Variants in TRIM31 observed in about 807,000 individuals in gnomAD.
TRIM31 encodes the protein tripartite motif containing 31.
In TRIM31, 31 loss-of-function variants were observed where a neutral mutation model predicts 40.6. The observed-to-expected ratio is 0.76, with a 90% CI of 0.57 to 1.03. TRIM31 has a LOEUF of 1.03. Among genes scored for constraint, TRIM31 ranks in the 50% least tolerant of loss-of-function variants. The pLI, the probability that TRIM31 is intolerant of heterozygous loss-of-function variation, is 0.00. For missense variants in TRIM31, 455 were observed against 497.5 expected (o/e 0.91, Z 0.81); for synonymous variants, 164 against 193.9 (o/e 0.85, Z 1.28).
chr6:30,112,572 G>C lies in TRIM31; in HGVS notation c.234C>G (p.Ile78Met). The change falls in exon 2 of 9, where the codon ATC (isoleucine) becomes ATG (methionine). Residue 78 changes from isoleucine (I) to methionine (M), a missense_variant. Transcript: ENST00000376734. ...GCACCTCAGAGGCTTGTAGAGCTTG[G>C]ATTTTCTCCACCAGATTCCGCAACA... The part of the protein sequence containing the change: ...NSLLRNLVEK[I>M]QALQASEVQS... The C allele has an allele frequency of 6.2e-7, 1 of 1,613,056 alleles. No individual in the cohort carries two copies. Among genetic ancestry groups the C allele is most frequent in the Non-Finnish European group, 8.5e-7 (1 of 1,180,012 alleles).
intron 3 of TRIM31, among the ~76,000 whole-genome samples, chr6:30,110,888 G>A (rs987467320): frequency 6.6e-6 from 1 of 152,152 alleles, no homozygotes; most frequent in African/African-American, 2.4e-5. Flanking sequence ...ATTAATTTAT[G>A]GTTTACCACT....
chr6:30,104,692 G>T (rs1406807045), intron 7 of TRIM31, among the ~76,000 whole-genome samples: 1 of 152,168 alleles, frequency 6.6e-6, no homozygotes, highest in Non-Finnish European at 1.5e-5. Flanking sequence ...TATTAGATGC[G>T]CACATAGTGG....
chr6:30,107,707 A>G (rs956113425), intron 6 of TRIM31: 6 of 204,954 alleles, frequency 2.9e-5, no homozygotes, highest in Non-Finnish European at 4.9e-5. Context: ...GAAGTCAGAG[A>G]TGACAGTCCC....
chr6:30,112,878 G>A lies in TRIM31; in HGVS notation c.-73C>T. 1 of 1,454,200 alleles carries A rather than the reference G, an allele frequency of 6.9e-7. No homozygotes were observed. The highest frequency in any genetic ancestry group is 9.2e-7 in the Non-Finnish European group (1 of 1,089,646). The allele number at this position is 1,454,200 out of a possible 1,614,324, so 90.1% of individuals were successfully genotyped here. On this transcript the variant is annotated 5_prime_UTR_variant, in exon 2 of 9. Transcript: ENST00000376734. Reference sequence around the variant, plus strand: ...CTGTAGGAGCCCCGGAGTCCACTGTGGATACTGTTTCTAGGAAGGGAGAAG... The same window carrying A: ...CTGTAGGAGCCCCGGAGTCCACTGTAGATACTGTTTCTAGGAAGGGAGAAG...
intron 5 of TRIM31, chr6:30,108,769 A>G: frequency 1.7e-6 from 1 of 591,354 alleles, no homozygotes; most frequent in South Asian, 2.0e-5. Context: ...CAGTTGAGCA[A>G]GGGGGCATTC....
intron 6 of TRIM31, among the ~76,000 whole-genome samples, chr6:30,106,352 G>T (rs1768691977): frequency 6.6e-6 from 1 of 152,170 alleles, no homozygotes; most frequent in Non-Finnish European, 1.5e-5. Context: ...AGGAAACACT[G>T]CCTGGGAGCA....
intron 4 of TRIM31, 111 bp downstream of exon 4, chr6:30,110,337 A>G: frequency 1.0e-6 from 1 of 972,888 alleles, no homozygotes; most frequent in South Asian, 1.5e-5. Flanking sequence ...GCACTGGGCT[A>G]GAGGTAGGAT....
intron 1 of TRIM31, 62 bp from the exon 2 acceptor site, chr6:30,112,950 G>T: frequency 3.0e-6 from 2 of 656,932 alleles, no homozygotes; most frequent in Non-Finnish European, 4.7e-6. Flanking sequence ...TTAGTTAGAA[G>T]AGCAGAGAGA....
chr6:30,111,543 T>G, intron 3 of TRIM31, 105 bp downstream of exon 3: 2 of 1,167,192 alleles, frequency 1.7e-6, no homozygotes, highest in Non-Finnish European at 2.5e-6. Context: ...GGAGAGGACA[T>G]GGCTCACTGG....
intron 3 of TRIM31, 59 bp from the exon 4 acceptor site, chr6:30,110,737 C>T: frequency 6.8e-7 from 1 of 1,467,764 alleles, no homozygotes; most frequent in East Asian, 2.3e-5. Context: ...TTCTAGCCCA[C>T]TTTATTCAGC....
chr6:30,105,521 G>A (rs1326141132), intron 6 of TRIM31: 1 of 255,194 alleles, frequency 3.9e-6, no homozygotes, highest in Non-Finnish European at 7.3e-6. Context: ...TTTTCTAGTA[G>A]TCACATTTAA....
In TRIM31 at chr6:30,104,185, A is replaced by G. The variant is rs1448424129; in HGVS notation, c.959-18T>C. ...CAAGCCCCCTAAAAATTGGGGAGAG[A>G]AAACCTATTTGGTCTTGATAACCAG... On this transcript the variant is annotated intron_variant, in intron 7 of 8. Coordinates refer to ENST00000376734, the MANE Select transcript of TRIM31 (RefSeq NM_007028.5). 6.2e-7 allele frequency: 1 copy of G among 1,612,302 alleles called. No homozygotes were observed. Among genetic ancestry groups the G allele is most frequent in the African/African-American group, 1.3e-5 (1 of 74,854 alleles).
rs760012481 is a variant in TRIM31 at position 30,112,651 on chromosome 6, T to C, written c.155A>G (p.Lys52Arg). The change falls in exon 2 of 9, where the codon AAA becomes AGA. Residue 52 changes from lysine (K) to arginine (R), a missense_variant. Transcript: ENST00000376734. ...QIGETSCGFF[K>R]CPLCKTSVRK... Reference sequence around the variant, plus strand: ...TACGGAAGTTTTGCAGAGGGGACATTTGAAAAATCCACATGATGTTTCCCC... The same window carrying C: ...TACGGAAGTTTTGCAGAGGGGACATCTGAAAAATCCACATGATGTTTCCCC... 3 of 1,612,980 alleles carry C rather than the reference T, an allele frequency of 1.9e-6. No homozygotes were observed. Among genetic ancestry groups the C allele is most frequent in the Non-Finnish European group, 2.5e-6 (3 of 1,180,054 alleles).
At chr6:30,109,075 C>A in intron 4 of TRIM31, 27 bp from the exon 5 acceptor site, 1 of 1,612,742 alleles carries the variant, frequency 6.2e-7, no homozygotes, top group African/African-American at 1.3e-5. Flanking sequence ...AACAGCACAG[C>A]CTCAGCACTT....
Position 30,103,430 on chromosome 6 carries a change from A to T in TRIM31, c.*106T>A. On this transcript the variant is annotated 3_prime_UTR_variant, in exon 9 of 9. Transcript: ENST00000376734. Reference sequence around the variant, plus strand: ...TCCCATTCTCCACTCCTTCGACCCAATTCCACTAAGTCAAGAACCGTGGTC... The same window carrying T: ...TCCCATTCTCCACTCCTTCGACCCATTTCCACTAAGTCAAGAACCGTGGTC... 2 of 1,529,272 alleles carry T rather than the reference A, an allele frequency of 1.3e-6. No homozygotes were observed. The highest frequency in any genetic ancestry group is 1.2e-5 in the South Asian group (1 of 80,804). The allele number at this position is 1,529,272 out of a possible 1,614,324, so 94.7% of individuals were successfully genotyped here. A position where few individuals can be genotyped will look rare whatever the true frequency, so the allele number is the denominator to read the frequency against.
At chr6:30,109,204 G>C (rs114541239) in intron 4 of TRIM31, among the ~76,000 whole-genome samples, 156 bp from the exon 5 acceptor site, 1 of 152,046 alleles carries the variant, frequency 6.6e-6, no homozygotes, top group Admixed American at 6.5e-5. Flanking sequence ...TCCCCACCAC[G>C]AAGGGCTTCT....
In TRIM31 at chr6:30,112,797, A is replaced by G. The variant is rs1439893791; in HGVS notation, c.9T>C (p.Ser3=). 17 of 1,604,180 alleles carry G rather than the reference A, an allele frequency of 1.1e-5. No individual in the cohort carries two copies. Among genetic ancestry groups the G allele is most frequent in the Admixed American group, 1.7e-5 (1 of 58,990 alleles). The change falls in exon 2 of 9, where the codon AGT becomes AGC. Residue 3 remains serine, a synonymous_variant. Transcript: ENST00000376734. MA[S]GQFVNKLQEE... ...CTTGCAGTTTGTTCACAAACTGCCC[A>G]CTGGCCATGACAGAACAACAGGGCT...
At chr6:30,109,505 T>C (rs1279483654) in intron 4 of TRIM31, among the ~76,000 whole-genome samples, 1 of 152,212 alleles carries the variant, frequency 6.6e-6, no homozygotes, top group Non-Finnish European at 1.5e-5. Flanking sequence ...ACCAACCACA[T>C]GTGGCTACTG....
At chr6:30,106,345 A>C (rs553421914) in intron 6 of TRIM31, among the ~76,000 whole-genome samples, 1 of 152,172 alleles carries the variant, frequency 6.6e-6, no homozygotes. Context: ...AGAGCATAGG[A>C]AACACTGCCT....
Sources: allele counts gnomAD v4.1 joint callset (sites outside exome capture counted in the v4.1 genomes callset), GRCh38; gene constraint gnomAD v4.1.1; transcripts MANE v1.5; gene names NCBI Gene and HGNC (gene_info 2026-07-23, HGNC 2026-07-21).